Variants in C10orf90 observed in about 807,000 individuals in gnomAD.
The protein encoded by C10orf90 is (E2-independent) E3 ubiquitin-conjugating enzyme FATS.
C10orf90 carries 56 observed loss-of-function variants against 62.5 expected under a neutral mutation model. That is an observed-to-expected ratio of 0.90 (90% CI 0.72 to 1.12). The LOEUF (loss-of-function observed/expected upper bound fraction) is 1.12, where lower values mean the gene tolerates loss of function less well. Ranked by LOEUF, C10orf90 falls within the 50% of genes most tolerant of loss-of-function variation. C10orf90 has a pLI of 0.00. For synonymous variants in C10orf90, 386 were observed against 340.4 expected (o/e 1.13, Z -1.47); for missense variants, 970 against 880.4 (o/e 1.10, Z -1.29).
chr10:126,503,948 A>AC lies in C10orf90; in HGVS notation c.1534+8dup. The AC allele has an allele frequency of 6.2e-7, 1 of 1,601,414 alleles. No individual in the cohort carries two copies. The highest frequency in any genetic ancestry group is 1.1e-5 in the South Asian group (1 of 89,018). ...AGGTCACCCTCCTGCAGATGGACGC[A>AC]CCACTCACCTGCCCTGTAACTCCAG... On this transcript the variant is annotated intron_variant, in intron 4 of 9. Transcript: ENST00000488181.
intron 2 of C10orf90, among the ~76,000 whole-genome samples, chr10:126,626,340 G>T (rs2133822888): frequency 6.6e-6 from 1 of 152,214 alleles, no homozygotes; most frequent in South Asian, 2.1e-4. Flanking sequence ...CATCTGTATT[G>T]TCCTATGGGG....
At chr10:126,502,584 C>G (rs1483265190) in intron 4 of C10orf90, 5 of 245,650 alleles carry the variant, frequency 2.0e-5, no homozygotes, top group South Asian at 4.4e-5. Context: ...AGATCTGGCT[C>G]TCATTATTAA....
At chr10:126,650,797 G>T (rs1846276971) in intron 1 of C10orf90, among the ~76,000 whole-genome samples, 2 of 152,198 alleles carry the variant, frequency 1.3e-5, no homozygotes, top group South Asian at 4.2e-4. Context: ...GGCCCAGAAA[G>T]GATAAGAAAC....
At chr10:126,647,368 A>G (rs1846192406) in intron 1 of C10orf90, among the ~76,000 whole-genome samples, 1 of 152,214 alleles carries the variant, frequency 6.6e-6, no homozygotes, top group Admixed American at 6.5e-5. Context: ...ACAGTCATAG[A>G]GCATGAGCTG....
chr10:126,590,448 C>T (rs539178781), intron 2 of C10orf90, among the ~76,000 whole-genome samples: 1 of 152,232 alleles, frequency 6.6e-6, no homozygotes, highest in South Asian at 2.1e-4. Flanking sequence ...AAGTAAAACA[C>T]TTTTTAGCAA....
At chr10:126,530,180 T>C (rs1441992829) in intron 2 of C10orf90, among the ~76,000 whole-genome samples, 1 of 151,950 alleles carries the variant, frequency 6.6e-6, no homozygotes, top group Non-Finnish European at 1.5e-5. Flanking sequence ...CAACTATCTA[T>C]CAGTGAAAAT....
intron 2 of C10orf90, among the ~76,000 whole-genome samples, chr10:126,603,268 C>T (rs1040167324): frequency 8.6e-5 from 13 of 152,024 alleles, no homozygotes; most frequent in Non-Finnish European, 1.5e-4. Context: ...TGGCAGAAGG[C>T]GAAGCAAACA....
At chr10:126,490,010 ATATT>A (rs1861646081) in intron 4 of C10orf90, among the ~76,000 whole-genome samples, 1 of 75,732 alleles carries the variant, frequency 1.3e-5, no homozygotes, top group South Asian at 4.3e-4. Context: ...TATATTATAT[ATATT>A]ATATATAATA....
chr10:126,523,588 C>T lies in C10orf90; in HGVS notation c.314-9649G>A, dbSNP rs947655956. 2.0e-5 allele frequency: 3 copies of T among 152,218 alleles called. No individual in the cohort carries two copies. In the East Asian group the frequency reaches 5.8e-4, roughly 29 times the overall value. 9.4% of individuals were successfully genotyped at this position (152,218 alleles called of 1,614,324 possible). ...ATTTTTTGAAACCTGTGATAAAATACACATAAAATGTACCATGTTCATCAT... is the reference window on the plus strand; with the variant it reads ...ATTTTTTGAAACCTGTGATAAAATATACATAAAATGTACCATGTTCATCAT... On this transcript the variant is annotated intron_variant, in intron 2 of 9. Coordinates refer to ENST00000488181, the MANE Select transcript of C10orf90 (RefSeq NM_001350921.2).
At chr10:126,490,957 AGT>A (rs1466552770) in intron 4 of C10orf90, among the ~76,000 whole-genome samples, 1 of 152,180 alleles carries the variant, frequency 6.6e-6, no homozygotes, top group East Asian at 1.9e-4. Context: ...AACACTACTA[AGT>A]GCATGTAGCA....
intron 2 of C10orf90, among the ~76,000 whole-genome samples, chr10:126,516,486 C>T (rs958572343): frequency 3.3e-5 from 5 of 152,184 alleles, no homozygotes; most frequent in Admixed American, 6.5e-5. Flanking sequence ...TCCTTTGGTT[C>T]CTCACCATGA....
intron 1 of C10orf90, among the ~76,000 whole-genome samples, chr10:126,652,429 C>A (rs1348161837): frequency 6.6e-6 from 1 of 152,132 alleles, no homozygotes; most frequent in Admixed American, 6.5e-5. Context: ...ATTTCTCCTT[C>A]ACTTTTGTTT....
At chr10:126,660,528 G>A (rs1846488835) in intron 1 of C10orf90, among the ~76,000 whole-genome samples, 2 of 152,208 alleles carry the variant, frequency 1.3e-5, no homozygotes, top group South Asian at 4.1e-4. Flanking sequence ...CAGCCCTGTA[G>A]CCACAAGGAA....
At chr10:126,557,414 A>G (rs1253617847) in intron 2 of C10orf90, among the ~76,000 whole-genome samples, 3 of 149,574 alleles carry the variant, frequency 2.0e-5, no homozygotes, top group Non-Finnish European at 3.0e-5. Flanking sequence ...TGGGAGGCAG[A>G]GCTTGCAGTG....
intron 2 of C10orf90, among the ~76,000 whole-genome samples, chr10:126,547,462 C>T (rs1591087228): frequency 7.4e-6 from 1 of 134,750 alleles, no homozygotes; most frequent in East Asian, 2.3e-4. Flanking sequence ...ATCATTCGTT[C>T]ATCACAACAA....
chr10:126,482,594 C>T (rs1861224304), intron 4 of C10orf90, among the ~76,000 whole-genome samples: 1 of 152,328 alleles, frequency 6.6e-6, no homozygotes, highest in Admixed American at 6.5e-5. Context: ...CTCAATTGCA[C>T]TGTCACTGAG....
intron 2 of C10orf90, among the ~76,000 whole-genome samples, chr10:126,593,773 GT>G (rs1219913919): frequency 2.7e-5 from 4 of 150,628 alleles, no homozygotes; most frequent in Non-Finnish European, 6.0e-5. Flanking sequence ...CTACCCTGTA[GT>G]TTTAAAAAGT....
At chr10:126,524,357 C>T (rs1366414168) in intron 2 of C10orf90, among the ~76,000 whole-genome samples, 1 of 152,114 alleles carries the variant, frequency 6.6e-6, no homozygotes, top group African/African-American at 2.4e-5. Context: ...AACCCAAACA[C>T]CTTCAATGTG....
intron 4 of C10orf90, among the ~76,000 whole-genome samples, chr10:126,485,980 A>T (rs1010779706): frequency 2.0e-5 from 3 of 152,070 alleles, no homozygotes; most frequent in Non-Finnish European, 4.4e-5. Flanking sequence ...ATAAGTATAA[A>T]GACATGTTTA....
Sources: gnomAD v4.1 joint callset for allele counts (sites outside exome capture counted in the v4.1 genomes callset) on GRCh38, gnomAD v4.1.1 for gene constraint, MANE v1.5 for transcripts, NCBI Gene and HGNC (gene_info 2026-07-23, HGNC 2026-07-21) for gene names.